The following NCAM2 variants were observed in gnomAD, a reference collection of about 807,000 sequenced individuals.
NCAM2 encodes the protein neural cell adhesion molecule 2, also known as N-CAM-2.
Under a neutral mutation model 98.1 loss-of-function variants are expected in NCAM2, and 30 were observed. The observed-to-expected ratio is 0.31, with a 90% CI of 0.23 to 0.41. The LOEUF (loss-of-function observed/expected upper bound fraction) is 0.41, where lower values mean the gene tolerates loss of function less well. NCAM2 is among the 10% of genes least tolerant of loss of function. The probability of loss-of-function intolerance (pLI) is 1.00; values close to 1 mark genes in which losing one functional copy is unlikely to be tolerated. For missense variants in NCAM2, 867 were observed against 1,005.8 expected, an observed-to-expected ratio of 0.86 and a Z score of 1.87; for synonymous variants, 368 against 342.4, an observed-to-expected ratio of 1.07 and a Z score of -0.83.
intron 9 of NCAM2, among the ~76,000 whole-genome samples, chr21:21,376,720 C>T (rs891401291): frequency 1.3e-5 from 2 of 151,698 alleles, no homozygotes; most frequent in Admixed American, 6.6e-5. Flanking sequence ...GTACAAGTTG[C>T]TTTTGATCAC....
chr21:21,343,358 T>TACACACACACACACACACACACACAC (rs71195322), intron 8 of NCAM2, among the ~76,000 whole-genome samples: 1 of 120,798 alleles, frequency 8.3e-6, no homozygotes, highest in African/African-American at 3.0e-5. Context: ...TCTATACACA[T>TACACACACACACACACACACACACAC]ACACACACAC....
intron 12 of NCAM2, among the ~76,000 whole-genome samples, chr21:21,456,140 A>G (rs1224354303): frequency 1.3e-5 from 2 of 152,154 alleles, no homozygotes; most frequent in Non-Finnish European, 2.9e-5. Flanking sequence ...TGATATAGCA[A>G]GAACAGTTCA....
At chr21:21,240,449 T>G (rs937918240) in intron 1 of NCAM2, among the ~76,000 whole-genome samples, 1 of 151,874 alleles carries the variant, frequency 6.6e-6, no homozygotes, top group African/African-American at 2.4e-5. Flanking sequence ...TTACATAAGA[T>G]TATTGGATAT....
intron 1 of NCAM2, among the ~76,000 whole-genome samples, chr21:21,113,629 T>C (rs1448562370): frequency 1.3e-5 from 2 of 152,182 alleles, no homozygotes; most frequent in Non-Finnish European, 2.9e-5. Context: ...CAGATTTTGT[T>C]TTCCAAAAAC....
intron 15 of NCAM2, among the ~76,000 whole-genome samples, chr21:21,492,040 CTTTATTAATTT>C (rs1986885998): frequency 6.6e-6 from 1 of 151,400 alleles, no homozygotes; most frequent in Admixed American, 6.6e-5. Context: ...ATATATATTA[CTTTATTAATTT>C]TTTATTGTTC....
intron 8 of NCAM2, among the ~76,000 whole-genome samples, chr21:21,355,214 G>C (rs1430098038): frequency 6.6e-6 from 1 of 151,834 alleles, no homozygotes; most frequent in African/African-American, 2.4e-5. Context: ...CACATGGATC[G>C]CATGAGGCCA....
At chr21:21,292,415 G>A (rs558913062) in intron 5 of NCAM2, among the ~76,000 whole-genome samples, 174 bp downstream of exon 5, 197 of 151,934 alleles carry the variant, frequency 1.3e-3, no homozygotes, top group African/African-American at 4.5e-3. Context: ...ACAGCCTCAA[G>A]GCAGGATCCA....
Position 21,292,252 on chromosome 21 carries a change from A to C in NCAM2, c.619+11A>C, listed in dbSNP as rs1471535851. The C allele has an allele frequency of 1.3e-6, 2 of 1,598,508 alleles. No homozygotes were observed. Among genetic ancestry groups the C allele is most frequent in the East Asian group, 4.5e-5 (2 of 44,376 alleles). ...TTGTTATTGTTAATGGTAAGCAGTAAATAATTTGTACATGTTTTATGGATT... is the reference window on the plus strand; with the variant it reads ...TTGTTATTGTTAATGGTAAGCAGTACATAATTTGTACATGTTTTATGGATT... On this transcript the variant is annotated intron_variant, in intron 5 of 17. Transcript: ENST00000400546.
intron 12 of NCAM2, among the ~76,000 whole-genome samples, chr21:21,461,906 G>A (rs1983028271): frequency 6.6e-6 from 1 of 151,932 alleles, no homozygotes; most frequent in Non-Finnish European, 1.5e-5. Flanking sequence ...CGTACGTGTG[G>A]AGCTGGCATC....
At chr21:21,326,127 G>A (rs1374465828) in intron 6 of NCAM2, among the ~76,000 whole-genome samples, 3 of 152,120 alleles carry the variant, frequency 2.0e-5, no homozygotes, top group Non-Finnish European at 2.9e-5. Context: ...TCGTCCTGAC[G>A]TGCACTTCAT....
rs1983521316 is a variant in NCAM2 at position 21,465,196 on chromosome 21, A to G, written c.1655-1410A>G. ...ATTTATCTGGTATTAAGTAATTTTT[A>G]TATATTTTTTCTTTTAATTTTGGAC... On this transcript the variant is annotated intron_variant, in intron 12 of 17. Coordinates refer to ENST00000400546, the MANE Select transcript of NCAM2 (RefSeq NM_004540.5). Among the ~76,000 whole-genome samples the G allele has an allele frequency of 2.0e-5, 3 of 152,100 alleles. No individual in the cohort carries two copies. In the South Asian group the frequency reaches 6.2e-4, roughly 32 times the overall value.
chr21:21,285,013 C>T (rs1863236043), intron 3 of NCAM2, among the ~76,000 whole-genome samples: 1 of 151,684 alleles, frequency 6.6e-6, no homozygotes, highest in Non-Finnish European at 1.5e-5. Context: ...AATCTGTTGA[C>T]TCCTGCATTT....
chr21:21,412,349 A>G (rs1349296714), intron 10 of NCAM2, among the ~76,000 whole-genome samples: 2 of 152,166 alleles, frequency 1.3e-5, no homozygotes, highest in East Asian at 1.9e-4. Flanking sequence ...TAAAGATCCT[A>G]TCTCCAAATT....
chr21:21,133,564 A>G (rs1488500791), intron 1 of NCAM2, among the ~76,000 whole-genome samples: 1 of 152,186 alleles, frequency 6.6e-6, no homozygotes, highest in Non-Finnish European at 1.5e-5. Flanking sequence ...CAGTTCAACA[A>G]CTGTGGTATT....
intron 8 of NCAM2, among the ~76,000 whole-genome samples, chr21:21,351,568 A>T (rs2075340795): frequency 6.6e-6 from 1 of 152,220 alleles, no homozygotes; most frequent in Non-Finnish European, 1.5e-5. Flanking sequence ...TGTTTTTATT[A>T]AAAACTTTTC....
At chr21:21,305,192 C>T (rs2073843138) in intron 5 of NCAM2, among the ~76,000 whole-genome samples, 1 of 152,030 alleles carries the variant, frequency 6.6e-6, no homozygotes, top group African/African-American at 2.4e-5. Flanking sequence ...GTGGTGGGCA[C>T]CTGTAATCCC....
intron 1 of NCAM2, among the ~76,000 whole-genome samples, chr21:21,042,247 C>G (rs1441588472): frequency 1.3e-5 from 2 of 152,118 alleles, no homozygotes; most frequent in Admixed American, 1.3e-4. Context: ...TGCAATGGCA[C>G]TGTCTCGGCT....
intron 11 of NCAM2, among the ~76,000 whole-genome samples, chr21:21,428,900 C>T (rs1345110260): frequency 6.6e-6 from 1 of 152,088 alleles, no homozygotes; most frequent in Non-Finnish European, 1.5e-5. Flanking sequence ...TACTATATTC[C>T]AGTCACTTTG....
intron 15 of NCAM2, among the ~76,000 whole-genome samples, chr21:21,500,470 G>T (rs1272899647): frequency 6.6e-6 from 1 of 152,084 alleles, no homozygotes. Flanking sequence ...TGCTCGGATT[G>T]CTAGTATCAG....
Sources: gnomAD v4.1 joint callset for allele counts (sites outside exome capture counted in the v4.1 genomes callset) on GRCh38, gnomAD v4.1.1 for gene constraint, MANE v1.5 for transcripts, NCBI Gene and HGNC (gene_info 2026-07-23, HGNC 2026-07-21) for gene names.